EPB41L4A: variants seen among roughly 807,000 people sequenced by gnomAD.
EPB41L4A encodes the protein band 4.1-like protein 4A.
EPB41L4A carries 100 observed loss-of-function variants against 108.6 expected under a neutral mutation model. The observed-to-expected ratio is 0.92, with a 90% CI of 0.78 to 1.09. The LOEUF (loss-of-function observed/expected upper bound fraction) is 1.09. Among genes scored for constraint, EPB41L4A ranks in the 50% least tolerant of loss-of-function variants. EPB41L4A has a pLI of 0.00. For missense variants in EPB41L4A, 1,030 were observed against 842.7 expected, an observed-to-expected ratio of 1.22 and a Z score of -2.75; for synonymous variants, 319 against 289.0, an observed-to-expected ratio of 1.10 and a Z score of -1.05.
intron 1 of EPB41L4A, among the ~76,000 whole-genome samples, chr5:112,349,361 C>G (rs1757888699): frequency 6.6e-6 from 1 of 152,090 alleles, no homozygotes; most frequent in South Asian, 2.1e-4. Flanking sequence ...GGCAGGGCCT[C>G]TGCACTGAGA....
chr5:112,214,917 T>C (rs1040856071), intron 12 of EPB41L4A, among the ~76,000 whole-genome samples: 2 of 152,190 alleles, frequency 1.3e-5, no homozygotes, highest in African/African-American at 4.8e-5. Context: ...CTGTGTTTCA[T>C]TTCATAAAAT....
At chr5:112,376,677 A>G (rs2031073101) in intron 1 of EPB41L4A, among the ~76,000 whole-genome samples, 1 of 152,204 alleles carries the variant, frequency 6.6e-6, no homozygotes. Flanking sequence ...CATCCATACC[A>G]TGGAACATTA....
At chr5:112,200,201 C>G (rs1762154417) in intron 15 of EPB41L4A, among the ~76,000 whole-genome samples, 1 of 152,164 alleles carries the variant, frequency 6.6e-6, no homozygotes, top group Non-Finnish European at 1.5e-5. Flanking sequence ...CACATGCTAG[C>G]CCCTCTATCT....
chr5:112,226,188 C>A (rs1748438319), intron 12 of EPB41L4A, among the ~76,000 whole-genome samples: 1 of 152,152 alleles, frequency 6.6e-6, no homozygotes, highest in African/African-American at 2.4e-5. Context: ...CTTTATTAGG[C>A]CAGTTTCTTT....
At chr5:112,361,534 A>T (rs1013589162) in intron 1 of EPB41L4A, among the ~76,000 whole-genome samples, 16 of 147,968 alleles carry the variant, frequency 1.1e-4, no homozygotes, top group Non-Finnish European at 1.8e-4. Context: ...AAAAAAAAAA[A>T]AAAAGAATAA....
intron 1 of EPB41L4A, among the ~76,000 whole-genome samples, chr5:112,341,059 G>GCCATCTCT (rs545302376): frequency 2.6e-5 from 4 of 152,074 alleles, no homozygotes; most frequent in African/African-American, 9.6e-5. Context: ...CTCCCCACAC[G>GCCATCTCT]CCATCTCTCC....
intron 1 of EPB41L4A, among the ~76,000 whole-genome samples, chr5:112,391,349 G>A (rs145768348): frequency 4.7e-4 from 71 of 152,116 alleles, no homozygotes; most frequent in Middle Eastern, 3.4e-3. Flanking sequence ...GAGATGAATG[G>A]CTAACAAGAA....
At chr5:112,162,534 CAA>C (rs1759971563), downstream of EPB41L4A, 1 of 152,190 alleles carries the variant, frequency 6.6e-6, no homozygotes, top group South Asian at 2.1e-4. Flanking sequence ...TTACTGCACT[CAA>C]TGCGTATTTT....
intron 2 of EPB41L4A, among the ~76,000 whole-genome samples, chr5:112,291,468 T>C (rs994163708): frequency 6.6e-5 from 10 of 152,212 alleles, no homozygotes; most frequent in Non-Finnish European, 1.2e-4. Context: ...ATAACTCCCA[T>C]AGCCCTTGTT....
chr5:112,230,286 G>C (rs1748794579), intron 12 of EPB41L4A, among the ~76,000 whole-genome samples: 1 of 152,136 alleles, frequency 6.6e-6, no homozygotes, highest in African/African-American at 2.4e-5. Context: ...TCTACTTTTA[G>C]TTCTTTAAGG....
intron 1 of EPB41L4A, among the ~76,000 whole-genome samples, chr5:112,411,742 C>T (rs1762426046): frequency 6.6e-6 from 1 of 152,160 alleles, no homozygotes; most frequent in South Asian, 2.1e-4. Context: ...GACCATACAG[C>T]ACTCCCATTA....
At chr5:112,317,182 T>C (rs1014985135) in intron 1 of EPB41L4A, among the ~76,000 whole-genome samples, 7 of 152,232 alleles carry the variant, frequency 4.6e-5, no homozygotes, top group African/African-American at 1.7e-4. Context: ...TTTTTTTCTC[T>C]CTAAACTTGT....
chr5:112,277,755 G>A (rs1195454688), intron 3 of EPB41L4A, among the ~76,000 whole-genome samples: 3 of 152,118 alleles, frequency 2.0e-5, no homozygotes, highest in African/African-American at 4.8e-5. Context: ...GCAATCAAAG[G>A]CTATAGAAAT....
At chr5:112,344,512 C>T (rs745807998) in intron 1 of EPB41L4A, among the ~76,000 whole-genome samples, 1 of 152,224 alleles carries the variant, frequency 6.6e-6, no homozygotes, top group Non-Finnish European at 1.5e-5. Flanking sequence ...CTTGGTTAGG[C>T]TATGCTCCTC....
At chr5:112,226,061 T>C (rs551496990) in intron 12 of EPB41L4A, among the ~76,000 whole-genome samples, 2 of 152,318 alleles carry the variant, frequency 1.3e-5, no homozygotes, top group South Asian at 2.1e-4. Flanking sequence ...TGGCCTTTCA[T>C]AGCAGATACT....
At chr5:112,222,995 G>A (rs936407821) in intron 12 of EPB41L4A, among the ~76,000 whole-genome samples, 2 of 150,090 alleles carry the variant, frequency 1.3e-5, no homozygotes, top group East Asian at 2.0e-4. Context: ...AGGCTGGAGT[G>A]CAGTGGCACA....
intron 12 of EPB41L4A, among the ~76,000 whole-genome samples, chr5:112,223,764 T>A (rs1748247824): frequency 6.6e-6 from 1 of 152,208 alleles, no homozygotes; most frequent in African/African-American, 2.4e-5. Flanking sequence ...GCAAAAACTT[T>A]CTAAGAAGGA....
intron 3 of EPB41L4A, among the ~76,000 whole-genome samples, chr5:112,278,036 A>C (rs1336840026): frequency 1.3e-5 from 2 of 152,214 alleles, no homozygotes. Context: ...GTTTCTCATT[A>C]ACTCAAGGAG....
At chr5:112,314,138 A>G (rs935013945) in intron 1 of EPB41L4A, among the ~76,000 whole-genome samples, 4 of 151,948 alleles carry the variant, frequency 2.6e-5, no homozygotes, top group Admixed American at 2.0e-4. Context: ...GATTATAGGC[A>G]TGAGCCACCG....
Sources: gnomAD v4.1 joint callset for allele counts (sites outside exome capture counted in the v4.1 genomes callset) on GRCh38, gnomAD v4.1.1 for gene constraint, MANE v1.5 for transcripts, NCBI Gene and HGNC (gene_info 2026-07-23, HGNC 2026-07-21) for gene names.